Variants in ADAMTSL1 observed in about 807,000 individuals in gnomAD.
ADAMTSL1 encodes the protein ADAMTS-like protein 1.
Under a neutral mutation model 201.8 loss-of-function variants are expected in ADAMTSL1, and 126 were observed. The observed-to-expected ratio is 0.62, with a 90% CI of 0.54 to 0.72. ADAMTSL1 has a LOEUF of 0.72. ADAMTSL1 is among the 30% of genes least tolerant of loss of function. The probability of loss-of-function intolerance (pLI) is 0.00; values close to 1 mark genes in which losing one functional copy is unlikely to be tolerated. For missense variants in ADAMTSL1, 2,679 were observed against 2,277.8 expected (o/e 1.18, Z -3.59); for synonymous variants, 1,121 against 903.4 (o/e 1.24, Z -4.32).
chr9:18,553,650 A>G (rs1421755299), intron 3 of ADAMTSL1, among the ~76,000 whole-genome samples: 1 of 151,940 alleles, frequency 6.6e-6, no homozygotes, highest in East Asian at 1.9e-4. Context: ...TTTGTCTGAA[A>G]TATTTGTATT....
At chr9:18,828,711 A>T (rs12375862) in intron 22 of ADAMTSL1, among the ~76,000 whole-genome samples, 2 of 101,580 alleles carry the variant, frequency 2.0e-5, no homozygotes, top group African/African-American at 3.6e-5. Flanking sequence ...GTGTGTGTGT[A>T]TATATATATA....
chr9:18,456,800 C>G (rs10963611), intron 2 of ADAMTSL1, among the ~76,000 whole-genome samples: 3,925 of 152,258 alleles, frequency 0.026, 168 homozygotes, highest in African/African-American at 0.091. Context: ...CCACCTCAAT[C>G]TGATTTGCAC....
chr9:17,950,759 A>G (rs1025200876), intron 1 of ADAMTSL1, among the ~76,000 whole-genome samples: 1 of 152,110 alleles, frequency 6.6e-6, no homozygotes, highest in African/African-American at 2.4e-5. Flanking sequence ...GGCACGGCAC[A>G]CTCATGCTGG....
At chr9:18,316,422 C>CT in intron 2 of ADAMTSL1, among the ~76,000 whole-genome samples, 3 of 152,174 alleles carry the variant, frequency 2.0e-5, no homozygotes, top group Admixed American at 2.0e-4. Flanking sequence ...ACGGGCACAC[C>CT]TGGGGGGGCC....
chr9:18,891,419 G>A (rs1276766069), intron 25 of ADAMTSL1, among the ~76,000 whole-genome samples: 2 of 152,132 alleles, frequency 1.3e-5, no homozygotes, highest in Admixed American at 1.3e-4. Context: ...ACAGTCTCGC[G>A]ATTTCCCCAA....
chr9:18,356,132 G>A (rs1197495304), intron 2 of ADAMTSL1, among the ~76,000 whole-genome samples: 1 of 152,212 alleles, frequency 6.6e-6, no homozygotes, highest in East Asian at 1.9e-4. Flanking sequence ...GCTTTCAGTG[G>A]ATGGGGGACA....
At chr9:18,231,046 G>A (rs960066256) in intron 2 of ADAMTSL1, among the ~76,000 whole-genome samples, 6 of 152,100 alleles carry the variant, frequency 3.9e-5, no homozygotes, top group South Asian at 4.1e-4. Context: ...CAGCCTGGGC[G>A]TAGCTTTTCT....
At chr9:18,302,255 A>G (rs1833735456) in intron 2 of ADAMTSL1, among the ~76,000 whole-genome samples, 1 of 152,170 alleles carries the variant, frequency 6.6e-6, no homozygotes. Flanking sequence ...GAGCATTTTC[A>G]AATTATAATC....
chr9:18,480,135 T>G (rs986687531), intron 1 of ADAMTSL1, among the ~76,000 whole-genome samples: 3 of 152,216 alleles, frequency 2.0e-5, no homozygotes, highest in Non-Finnish European at 4.4e-5. Flanking sequence ...GTCACAGTTT[T>G]GTAAAACTTG....
In ADAMTSL1 at chr9:18,425,409, A is replaced by G. The variant is rs541115266; in HGVS notation, c.208-79420A>G. ...CTCAATAGAGTTCTGTTAGAATAGC[A>G]AAAATATACCCTCTCCCAAAAATAT... On this transcript the variant is annotated intron_variant, in intron 2 of 29. Coordinates refer to the ADAMTSL1 transcript ENST00000680146. 4.6e-5 allele frequency among the ~76,000 whole-genome samples: 7 copies of G among 152,312 alleles called. No homozygotes were observed. In the East Asian group the frequency reaches 1.4e-3, roughly 29 times the overall value.
At chr9:18,040,576 A>G (rs1821389471) in intron 1 of ADAMTSL1, among the ~76,000 whole-genome samples, 1 of 152,198 alleles carries the variant, frequency 6.6e-6, no homozygotes, top group Non-Finnish European at 1.5e-5. Flanking sequence ...TAGTGCATGT[A>G]GACCTTGATG....
chr9:18,327,286 C>T (rs4291363), intron 2 of ADAMTSL1, among the ~76,000 whole-genome samples: 98,642 of 152,120 alleles, frequency 0.65, 32,833 homozygotes, highest in African/African-American at 0.79. Flanking sequence ...CATGATGTCA[C>T]ACTATGGTTA....
At chr9:17,943,605 A>G (rs1827331844) in intron 1 of ADAMTSL1, among the ~76,000 whole-genome samples, 1 of 152,078 alleles carries the variant, frequency 6.6e-6, no homozygotes, top group South Asian at 2.1e-4. Flanking sequence ...ATGAATTTGA[A>G]CCATTTTAGA....
intron 1 of ADAMTSL1, among the ~76,000 whole-genome samples, chr9:17,996,501 C>T (rs559123714): frequency 5.6e-4 from 85 of 152,164 alleles, no homozygotes; most frequent in Non-Finnish European, 9.1e-4. Flanking sequence ...ACACAGGGAT[C>T]ATTGGGCAAG....
chr9:18,650,599 C>G (rs1273253962), intron 7 of ADAMTSL1, among the ~76,000 whole-genome samples: 1 of 152,134 alleles, frequency 6.6e-6, no homozygotes, highest in African/African-American at 2.4e-5. Context: ...AAGGAGAAGA[C>G]TTTTTAGTGC....
intron 14 of ADAMTSL1, among the ~76,000 whole-genome samples, chr9:18,710,028 A>G (rs948374991): frequency 7.2e-5 from 11 of 152,304 alleles, no homozygotes; most frequent in East Asian, 5.8e-4. Context: ...TGGAAAGAGC[A>G]CAAACTTGAT....
intron 2 of ADAMTSL1, among the ~76,000 whole-genome samples, chr9:18,233,875 T>A (rs1276925525): frequency 6.6e-6 from 1 of 152,194 alleles, no homozygotes; most frequent in East Asian, 1.9e-4. Flanking sequence ...AGGCACAGTA[T>A]GGTGCAGAGA....
rs139506271 is a variant in ADAMTSL1, at chr9:17,921,214, C to T, written c.87+14292C>T. ...TTTATTTTCAACAGAGTTAAATTTA[C>T]GTAGATTTTGAACCAGTATTCCTAG... is the stretch of plus-strand genomic sequence containing the variant. On this transcript the variant is annotated intron_variant, in intron 1 of 29. Transcript: ENST00000680146. Among the ~76,000 whole-genome samples, 141 of 152,156 alleles carry T rather than the reference C, an allele frequency of 9.3e-4. No homozygotes were observed. The East Asian group carries it at 0.023, about 25-fold the overall frequency.
At chr9:17,927,828 A>G (rs892967979) in intron 1 of ADAMTSL1, among the ~76,000 whole-genome samples, 10 of 152,080 alleles carry the variant, frequency 6.6e-5, no homozygotes, top group African/African-American at 2.4e-4. Context: ...TGAATCCCCC[A>G]TGGATACTAA....
Sources: allele counts gnomAD v4.1 joint callset (sites outside exome capture counted in the v4.1 genomes callset), GRCh38; gene constraint gnomAD v4.1.1; transcripts MANE v1.5; gene names NCBI Gene and HGNC (gene_info 2026-07-23, HGNC 2026-07-21).